Variants in STX1B observed in about 807,000 individuals in gnomAD.
The protein encoded by STX1B is syntaxin-1B.
A neutral mutation model predicts 39.4 loss-of-function variants in STX1B; 7 were observed. That is an observed-to-expected ratio of 0.18 (90% CI 0.10 to 0.33). STX1B has a LOEUF of 0.33. Ranked by LOEUF, STX1B falls within the 10% of genes least tolerant of loss-of-function variation. The pLI, the probability that STX1B is intolerant of heterozygous loss-of-function variation, is 1.00. For synonymous variants in STX1B, 136 were observed against 144.1 expected (o/e 0.94, Z 0.40); for missense variants, 198 against 383.2 (o/e 0.52, Z 4.04).
chr16:30,993,218 TC>T lies in STX1B; in HGVS notation c.697del (p.Glu233SerfsTer22). On this transcript the variant is annotated frameshift_variant, in exon 9 of 10. Coordinates refer to ENST00000215095, the MANE Select transcript of STX1B (RefSeq NM_052874.5). LOFTEE classifies it high-confidence loss of function. ...GTCCACAGAATGTTCCACGTTGTAC[TC>T]GATGCGGTCAATCATCTCTCCCTGC... ...ESQGEMIDRI[E>X]YNVEHSVDYV... is the part of the protein sequence containing the mutation. 1 of 1,614,164 alleles carries T rather than the reference TC, an allele frequency of 6.2e-7. No homozygotes were observed. Among genetic ancestry groups the T allele is most frequent in the Non-Finnish European group, 8.5e-7 (1 of 1,180,022 alleles).
Position 31,001,272 on chromosome 16 carries a change from G to T in STX1B, c.106-79C>A. ...TCCAGGGGAACCAGCCAGGGTTCAG[G>T]GGAATGGACCAGCCCCAGAACGGCT... On this transcript the variant is annotated intron_variant, in intron 2 of 9. Transcript: ENST00000215095. The surrounding 1 kb of genome is among the most constrained non-coding windows in gnomAD (Gnocchi z 5.5). 1 of 1,397,008 alleles carries T rather than the reference G, an allele frequency of 7.2e-7. No homozygotes were observed. The highest frequency in any genetic ancestry group is 1.0e-6 in the Non-Finnish European group (1 of 997,962). The allele number at this position is 1,397,008 out of a possible 1,614,324, so 86.5% of individuals were successfully genotyped here. A position where few individuals can be genotyped will look rare whatever the true frequency, so the allele number is the denominator to read the frequency against.
At position 30,992,645 on chromosome 16, in the gene STX1B, G is replaced by GA. The variant is rs1555493816; in HGVS notation, c.*175_*176insT. 1.7e-5 allele frequency: 9 copies of GA among 517,676 alleles called. No individual in the cohort carries two copies. Among genetic ancestry groups the GA allele is most frequent in the Non-Finnish European group, 2.1e-5 (6 of 288,886 alleles). 32.1% of individuals were successfully genotyped at this position (517,676 alleles called of 1,614,324 possible). A position where few individuals can be genotyped will look rare whatever the true frequency, so the allele number is the denominator to read the frequency against. ...GCTGCGATCTACGTGCGGGGACGGG[G>GA]GGGGGGTCCATGGCCCGGTGAGGTC... is the stretch of plus-strand genomic sequence containing the variant. On this transcript the variant is annotated 3_prime_UTR_variant, in exon 10 of 10. Transcript: ENST00000215095.
Position 30,996,843 on chromosome 16 carries a change from C to G in STX1B, c.464-87G>C. 3.2e-6 allele frequency: 5 copies of G among 1,571,950 alleles called. No individual in the cohort carries two copies. In the South Asian group the frequency reaches 5.6e-5, roughly 18 times the overall value. On this transcript the variant is annotated intron_variant, in intron 6 of 9. Transcript: ENST00000215095. Reference sequence around the variant, plus strand: ...GATGGGGCGGGGACCTGGGGCCCACCCTCCCACGCCGCCTTAAGCCAGGGG... The same window carrying G: ...GATGGGGCGGGGACCTGGGGCCCACGCTCCCACGCCGCCTTAAGCCAGGGG...
intron 7 of STX1B, among the ~76,000 whole-genome samples, chr16:30,994,470 G>A (rs2056581184): frequency 6.7e-6 from 1 of 149,142 alleles, no homozygotes; most frequent in South Asian, 2.2e-4. Context: ...GGCGCCTGTG[G>A]TCCCAGCTAC....
chr16:31,005,378 CAT>C (rs1219700368), intron 1 of STX1B, among the ~76,000 whole-genome samples: 2 of 151,846 alleles, frequency 1.3e-5, no homozygotes, highest in African/African-American at 4.8e-5. Context: ...TCAGTTGCCT[CAT>C]GTGCAAATCG....
chr16:30,997,433 C>T lies in STX1B; in HGVS notation c.354+69G>A, dbSNP rs568062053. ...CCCGCCGGTGCTTGGCCCTGGCCCG[C>T]CGGCCTCCAGCCTGGGCTCCTCCCG... On this transcript the variant is annotated intron_variant, in intron 5 of 9. Transcript: ENST00000215095. 6.4e-6 allele frequency: 9 copies of T among 1,410,338 alleles called. No individual in the cohort carries two copies. In the East Asian group the frequency reaches 1.7e-4, roughly 27 times the overall value. The allele number at this position is 1,410,338 out of a possible 1,614,324, so 87.4% of individuals were successfully genotyped here.
rs542183574 is a variant in STX1B, at chr16:30,992,892, T to C, written c.796A>G (p.Met266Val). 2.5e-6 allele frequency: 4 copies of C among 1,613,856 alleles called. No homozygotes were observed. The East Asian group carries it at 6.7e-5, about 27-fold the overall frequency. The stretch of plus-strand genomic sequence containing the variant: ...AGCACCACACAGCAAATGATGATCA[T>C]GATTTTCTTCTGCAGCAGAAAGAGG... ...YQSKARRKKI[M>V]IIICCVVLGV... is the part of the protein sequence containing the mutation. The change falls in exon 10 of 10, where the codon ATG becomes GTG. Residue 266 changes from methionine (M) to valine (V), a missense_variant. By Grantham distance (21) the Met-to-Val change is conservative. Transcript: ENST00000215095.
rs1388329705 is a variant in STX1B at position 31,001,685 on chromosome 16, C to A, written c.31-82G>T. ...GCTCTCCAGCTCTCCCACCCTCTCC[C>A]TGCTATGCACACACAGGTGCTCCCA... On this transcript the variant is annotated intron_variant, in intron 1 of 9. Coordinates refer to ENST00000215095, the MANE Select transcript of STX1B (RefSeq NM_052874.5). This position sits in a 1 kb window ranked among gnomAD's most constrained non-coding sequence, Gnocchi z 5.5. 9.2e-7 allele frequency: 1 copy of A among 1,091,580 alleles called. No homozygotes were observed. Among genetic ancestry groups the A allele is most frequent in the Admixed American group, 1.9e-5 (1 of 51,584 alleles). 67.6% of individuals were successfully genotyped at this position (1,091,580 alleles called of 1,614,324 possible).
At position 31,001,223 on chromosome 16, in the gene STX1B, A is replaced by C; in HGVS notation, c.106-30T>G. The C allele has an allele frequency of 6.2e-7, 1 of 1,606,678 alleles. No individual in the cohort carries two copies. Among genetic ancestry groups the C allele is most frequent in the Non-Finnish European group, 8.5e-7 (1 of 1,175,848 alleles). On this transcript the variant is annotated intron_variant, in intron 2 of 9. Coordinates refer to ENST00000215095, the MANE Select transcript of STX1B (RefSeq NM_052874.5). This position sits in a 1 kb window ranked among gnomAD's most constrained non-coding sequence, Gnocchi z 5.5. The stretch of plus-strand genomic sequence containing the variant: ...AGCAGAAAATCGGCTATACCCAGCC[A>C]AGCTGTCAGGCCAAACAACGGGTTC...
intron 5 of STX1B, 132 bp downstream of exon 5, chr16:30,997,370 G>GC (rs942564578): frequency 1.8e-6 from 1 of 562,910 alleles, no homozygotes; most frequent in East Asian, 4.3e-5. Context: ...CTCTAGCCTC[G>GC]CCCCCAGAGC....
At chr16:31,007,116 A>C (rs985295024) in intron 1 of STX1B, among the ~76,000 whole-genome samples, 30 of 152,140 alleles carry the variant, frequency 2.0e-4, no homozygotes, top group African/African-American at 7.2e-4. Context: ...GTCTCTAAAA[A>C]CATTTTTTTA....
chr16:30,995,888 C>T (rs533789100), intron 7 of STX1B, among the ~76,000 whole-genome samples: 1 of 152,126 alleles, frequency 6.6e-6, no homozygotes, highest in East Asian at 1.9e-4. Flanking sequence ...AAAATGTAGG[C>T]AAATTAGGCT....
intron 1 of STX1B, among the ~76,000 whole-genome samples, chr16:31,009,876 G>A (rs1356271223): frequency 6.6e-6 from 1 of 151,824 alleles, no homozygotes; most frequent in Non-Finnish European, 1.5e-5. Context: ...TGACACACGC[G>A]TGTGCACACA....
rs1350084603 is a variant in STX1B, at chr16:30,989,485, C to T, written c.*3336G>A. On this transcript the variant is annotated 3_prime_UTR_variant, in exon 10 of 10. Coordinates refer to ENST00000215095, the MANE Select transcript of STX1B (RefSeq NM_052874.5). ...GGGCGGCCTGGCTCTGGGCCCCAGC[C>T]AGGCCCCAGGAGTCCTGTCCCCTCT... 6.6e-6 allele frequency: 1 copy of T among 152,182 alleles called. No individual in the cohort carries two copies. Among genetic ancestry groups the T allele is most frequent in the Non-Finnish European group, 1.5e-5 (1 of 68,044 alleles). 9.4% of individuals were successfully genotyped at this position (152,182 alleles called of 1,614,324 possible). A position where few individuals can be genotyped will look rare whatever the true frequency, so the allele number is the denominator to read the frequency against.
chr16:31,004,133 A>G (rs1195060457), intron 1 of STX1B, among the ~76,000 whole-genome samples: 1 of 152,252 alleles, frequency 6.6e-6, no homozygotes, highest in Non-Finnish European at 1.5e-5. Context: ...TAGCAAAACA[A>G]GAGCACTTGA....
chr16:31,005,010 C>A (rs2056648523), intron 1 of STX1B, among the ~76,000 whole-genome samples: 1 of 152,218 alleles, frequency 6.6e-6, no homozygotes, highest in Non-Finnish European at 1.5e-5. Flanking sequence ...GCAGCCAGGA[C>A]AGAAAATCAG....
chr16:30,994,630 C>T (rs2056582293), intron 7 of STX1B, among the ~76,000 whole-genome samples: 1 of 149,692 alleles, frequency 6.7e-6, no homozygotes, highest in South Asian at 2.1e-4. Context: ...GAGACCGTGA[C>T]CCACAGTCAG....
rs1567379721 is a variant in STX1B at position 31,001,691 on chromosome 16, T to C, written c.31-88A>G. ...CAGCTCTCCCACCCTCTCCCTGCTA[T>C]GCACACACAGGTGCTCCCAGCTCTA... On this transcript the variant is annotated intron_variant, in intron 1 of 9. Coordinates refer to ENST00000215095, the MANE Select transcript of STX1B (RefSeq NM_052874.5). This position sits in a 1 kb window ranked among gnomAD's most constrained non-coding sequence, Gnocchi z 5.5. 6 of 1,043,940 alleles carry C rather than the reference T, an allele frequency of 5.7e-6. No homozygotes were observed. The East Asian group carries it at 1.4e-4, about 25-fold the overall frequency. The allele number at this position is 1,043,940 out of a possible 1,614,324, so 64.7% of individuals were successfully genotyped here.
At chr16:30,996,424 AGGG>A in intron 7 of STX1B, 1 of 402,668 alleles carries the variant, frequency 2.5e-6, no homozygotes. Flanking sequence ...GTTTCCTCGA[AGGG>A]GATGTGTGAG....
Sources: gnomAD v4.1 joint callset for allele counts (sites outside exome capture counted in the v4.1 genomes callset) on GRCh38, gnomAD v4.1.1 for gene constraint, Gnocchi (gnomAD v3.1) non-coding constraint, MANE v1.5 for transcripts, NCBI Gene and HGNC (gene_info 2026-07-23, HGNC 2026-07-21) for gene names.